Variants in AIFM1 observed in about 807,000 individuals in gnomAD.
AIFM1 encodes apoptosis inducing factor mitochondria associated 1.
A neutral mutation model predicts 51.7 loss-of-function variants in AIFM1; 3 were observed. The observed-to-expected ratio is 0.06, with a 90% CI of 0.03 to 0.15. AIFM1 has a LOEUF of 0.15. AIFM1 is among the 10% of genes least tolerant of loss of function. AIFM1 has a pLI of 1.00. For synonymous variants in AIFM1, 178 were observed against 179.4 expected (o/e 0.99, Z 0.06); for missense variants, 330 against 476.8 (o/e 0.69, Z 2.87).
intron 14 of AIFM1, among the ~76,000 whole-genome samples, chrX:130,131,285 G>C (rs936070626): frequency 4.5e-5 from 5 of 112,013 alleles, no homozygotes; most frequent in African/African-American, 1.6e-4. Flanking sequence ...CCGTGTTCTT[G>C]AGATTCGCCT....
intron 12 of AIFM1, 119 bp from the exon 13 acceptor site, chrX:130,133,574 C>T (rs2030195662): frequency 2.2e-6 from 2 of 921,272 alleles, no homozygotes; most frequent in Admixed American, 2.5e-5. Context: ...TCATGTTTTC[C>T]ATCTACAGGC....
At chrX:130,135,451 A>AC (rs1199286330) in intron 12 of AIFM1, among the ~76,000 whole-genome samples, 6 of 107,315 alleles carry the variant, frequency 5.6e-5, no homozygotes, top group African/African-American at 2.0e-4. Flanking sequence ...AAAAAAAAAA[A>AC]AAAAACAAGG....
intron 6 of AIFM1, among the ~76,000 whole-genome samples, chrX:130,142,360 G>A (rs770496397): frequency 7.2e-5 from 8 of 110,866 alleles, no homozygotes; most frequent in South Asian, 7.9e-4. Context: ...ATCCAATCCC[G>A]CTACTCAACC....
At chrX:130,146,745 A>C (rs210002) in intron 5 of AIFM1, among the ~76,000 whole-genome samples, 4 of 110,008 alleles carry the variant, frequency 3.6e-5, no homozygotes, top group African/African-American at 1.3e-4. Context: ...ATTCTAACAC[A>C]GGCTCTTCCT....
intron 9 of AIFM1, chrX:130,137,757 G>T: frequency 9.9e-7 from 1 of 1,012,271 alleles, no homozygotes; most frequent in Non-Finnish European, 1.3e-6. Context: ...TAGAGGAAAA[G>T]AAAGGAAAGA....
chrX:130,165,710 G>C lies in AIFM1; in HGVS notation c.-54C>G. The C allele has an allele frequency of 5.8e-6, 6 of 1,037,633 alleles. No individual in the cohort carries two copies. The highest frequency in any genetic ancestry group is 8.0e-6 in the Non-Finnish European group (6 of 753,285). 85.5% of individuals were successfully genotyped at this position (1,037,633 alleles called of 1,213,427 possible). On this transcript the variant is annotated 5_prime_UTR_variant, in exon 1 of 16. Coordinates refer to ENST00000287295, the MANE Select transcript of AIFM1 (RefSeq NM_004208.4). ...CTTCCCTTTCCTCTCACGCACGACC[G>C]ACGGGTCAAACACCGTGAGCCCCGG... is the stretch of plus-strand genomic sequence containing the variant.
chrX:130,165,694 C>T lies in AIFM1; in HGVS notation c.-38G>A. The T allele has an allele frequency of 1.4e-5, 15 of 1,104,826 alleles. No homozygotes were observed. The highest frequency in any genetic ancestry group is 1.8e-5 in the Non-Finnish European group (15 of 812,699). 91.1% of individuals were successfully genotyped at this position (1,104,826 alleles called of 1,213,427 possible). A position where few individuals can be genotyped will look rare whatever the true frequency, so the allele number is the denominator to read the frequency against. The stretch of plus-strand genomic sequence containing the variant: ...TATTCGGGACCTCCTCCTTCCCTTT[C>T]CTCTCACGCACGACCGACGGGTCAA... On this transcript the variant is annotated 5_prime_UTR_variant, in exon 1 of 16. Transcript: ENST00000287295.
At position 130,165,626 on chromosome X, in the gene AIFM1, C is replaced by T; in HGVS notation, c.31G>A (p.Ala11Thr). 2.5e-6 allele frequency: 3 copies of T among 1,200,978 alleles called. No homozygotes were observed. Among genetic ancestry groups the T allele is most frequent in the Non-Finnish European group, 3.4e-6 (3 of 889,677 alleles). MFRCGGLAAG[A>T]LKQKLVPLVR... ...AAGGGCACCAGCTTCTGCTTCAAAG[C>T]ACCCGCCGCCAGGCCTCCACACCGG... The change falls in exon 1 of 16, where the codon GCT becomes ACT. Residue 11 changes from alanine to threonine, a missense_variant. This residue lies in a region of AIFM1 where 110 missense variants were observed against 103.1 expected (regional missense o/e 1.07). Coordinates refer to ENST00000287295, the MANE Select transcript of AIFM1 (RefSeq NM_004208.4).
chrX:130,154,549 A>T (rs1475680649), intron 2 of AIFM1, among the ~76,000 whole-genome samples: 1 of 112,410 alleles, frequency 8.9e-6, no homozygotes, highest in African/African-American at 3.2e-5. Context: ...GTACCGCTTC[A>T]GCCACTAGTT....
At chrX:130,153,151 A>G (rs209537) in intron 2 of AIFM1, among the ~76,000 whole-genome samples, 46,949 of 92,991 alleles carry the variant, frequency 0.5, 11,451 homozygotes, top group African/African-American at 0.8. Flanking sequence ...TGGCTAACAC[A>G]GTGAAACCCC....
At chrX:130,142,338 G>T (rs2124658744) in intron 6 of AIFM1, among the ~76,000 whole-genome samples, 1 of 111,233 alleles carries the variant, frequency 9.0e-6, no homozygotes, top group South Asian at 3.9e-4. Context: ...TCCTTGGTAA[G>T]CTCCCTCTTC....
Position 130,136,038 on chromosome X carries a change from C to T in AIFM1, c.1305+7G>A. 1.7e-6 allele frequency: 2 copies of T among 1,211,756 alleles called. No homozygotes were observed. Among genetic ancestry groups the T allele is most frequent in the South Asian group, 3.5e-5 (2 of 56,999 alleles). On this transcript the variant is annotated splice_region_variant and intron_variant, in intron 12 of 15. Transcript: ENST00000287295. ...AATTATGCCTGGTCATGCTGTAGCACACTTACCACCCAGATGTTAGAGCGT... is the reference window on the plus strand; with the variant it reads ...AATTATGCCTGGTCATGCTGTAGCATACTTACCACCCAGATGTTAGAGCGT...
intron 8 of AIFM1, among the ~76,000 whole-genome samples, chrX:130,138,983 T>TC (rs2030477613): frequency 9.0e-6 from 1 of 111,098 alleles, no homozygotes; most frequent in Non-Finnish European, 1.9e-5. Flanking sequence ...AAGTAGGTGC[T>TC]CCCAGCATTT....
Position 130,136,096 on chromosome X carries a change from A to C in AIFM1, c.1254T>G (p.Phe418Leu). ...GCTCTGCATTTACCCGGAAGCCACC[A>C]AAATCTGAGTCTATTTCCAGGCCAC... Reference protein sequence around the residue: ...KTGGLEIDSDFGGFRVNAELQ... With the variant: ...KTGGLEIDSDLGGFRVNAELQ... Residue 418 changes from phenylalanine to leucine, a missense_variant, in exon 12 of 16, where the codon TTT (phenylalanine) becomes TTG (leucine). Physicochemically the swap from Phe to Leu is conservative, Grantham distance 22. This residue lies in a region of AIFM1 where 152 missense variants were observed against 292.8 expected (regional missense o/e 0.52). Transcript: ENST00000287295. The C allele has an allele frequency of 8.3e-7, 1 of 1,211,923 alleles. No individual in the cohort carries two copies. Among genetic ancestry groups the C allele is most frequent in the Non-Finnish European group, 1.1e-6 (1 of 895,503 alleles).
At position 130,156,393 on chromosome X, in the gene AIFM1, G is replaced by A. The variant is rs2031163416; in HGVS notation, c.249+68C>T. ...AATTAGTTGCAAAAGTTTTAAAGCA[G>A]AATACTATCGAGTCTATTAATGGGA... is the stretch of plus-strand genomic sequence containing the variant. On this transcript the variant is annotated intron_variant, in intron 2 of 15. Coordinates refer to ENST00000287295, the MANE Select transcript of AIFM1 (RefSeq NM_004208.4). 3.4e-6 allele frequency: 4 copies of A among 1,183,686 alleles called. No individual in the cohort carries two copies. In the South Asian group the frequency reaches 7.1e-5, roughly 21 times the overall value.
chrX:130,147,461 T>C lies in AIFM1; in HGVS notation c.605+32A>G, dbSNP rs775780290. On this transcript the variant is annotated intron_variant, in intron 5 of 15. Transcript: ENST00000287295. ...ACCTATTCTCTGTGCTTAGCTGAAG[T>C]TGATAGGCTCATTTTACATAAGCAA... 4.5e-5 allele frequency: 54 copies of C among 1,209,215 alleles called. No individual in the cohort carries two copies. The South Asian group carries it at 5.5e-4, about 12-fold the overall frequency.
At chrX:130,157,292 AATGATGTG>A (rs1267300010) in intron 1 of AIFM1, among the ~76,000 whole-genome samples, 2 of 112,579 alleles carry the variant, frequency 1.8e-5, no homozygotes, top group Non-Finnish European at 3.7e-5. Flanking sequence ...AGAGCTATGT[AATGATGTG>A]ATGATCATAA....
chrX:130,152,374 T>C lies in AIFM1; in HGVS notation c.250-2806A>G, dbSNP rs780223707. On this transcript the variant is annotated intron_variant, in intron 2 of 15. Coordinates refer to ENST00000287295, the MANE Select transcript of AIFM1 (RefSeq NM_004208.4). Reference sequence around the variant, plus strand: ...TGATATATATATATAAATGTATTTATTTCTTTACCTTTCCCCCAAGGGTTT... The same window carrying C: ...TGATATATATATATAAATGTATTTACTTCTTTACCTTTCCCCCAAGGGTTT... Among the ~76,000 whole-genome samples, 157 of 111,578 alleles carry C rather than the reference T, an allele frequency of 1.4e-3. 5 individuals carry two copies. The highest frequency in any genetic ancestry group is 4.6e-3 in the Middle Eastern group (1 of 219).
intron 12 of AIFM1, among the ~76,000 whole-genome samples, chrX:130,135,082 C>CTT (rs758547960): frequency 4.0e-5 from 4 of 100,675 alleles, no homozygotes; most frequent in South Asian, 4.4e-4. Flanking sequence ...CCACATATTA[C>CTT]TTTTTTTTTT....
Sources: gnomAD v4.1 joint callset for allele counts (sites outside exome capture counted in the v4.1 genomes callset) on GRCh38, gnomAD v4.1.1 for gene constraint, gnomAD v4.1.1 regional missense constraint, MANE v1.5 for transcripts, NCBI Gene and HGNC (gene_info 2026-07-23, HGNC 2026-07-21) for gene names.